Variants in COG6 observed in about 807,000 individuals in gnomAD.
COG6 encodes the protein component of oligomeric golgi complex 6.
In COG6, 74 loss-of-function variants were observed where a neutral mutation model predicts 88.8. The observed-to-expected ratio is 0.83, with a 90% CI of 0.69 to 1.01. The LOEUF (loss-of-function observed/expected upper bound fraction) is 1.01. COG6 is among the 50% of genes least tolerant of loss of function. The pLI, the probability that COG6 is intolerant of heterozygous loss-of-function variation, is 0.00. For synonymous variants in COG6, 286 were observed against 278.7 expected (o/e 1.03, Z -0.26); for missense variants, 800 against 797.9 (o/e 1.00, Z -0.03).
chr13:39,768,338 A>G (rs577962154), intron 18 of COG6, among the ~76,000 whole-genome samples: 14 of 152,168 alleles, frequency 9.2e-5, no homozygotes, highest in Non-Finnish European at 1.6e-4. Flanking sequence ...CCTGGCCCCT[A>G]CTGCCACTCC....
In COG6 at chr13:39,687,793, A is replaced by G. The variant is rs1314849684; in HGVS notation, c.1003A>G (p.Thr335Ala). The change falls in exon 10 of 19, where the codon ACA becomes GCA. Residue 335 changes from threonine (T) to alanine (A), a missense_variant. By Grantham distance (58) the Thr-to-Ala change is moderately conservative. Coordinates refer to ENST00000455146, the MANE Select transcript of COG6 (RefSeq NM_020751.3). The part of the protein sequence containing the change: ...HLEALLKHVT[T>A]QGVEENIQEV... ...TGAAGCTCTCTTAAAGCATGTAACTACACAAGGTGGGTCCACCAATTGTAT... is the reference window on the plus strand; with the variant it reads ...TGAAGCTCTCTTAAAGCATGTAACTGCACAAGGTGGGTCCACCAATTGTAT... 1 of 1,611,366 alleles carries G rather than the reference A, an allele frequency of 6.2e-7. No homozygotes were observed. The highest frequency in any genetic ancestry group is 8.5e-7 in the Non-Finnish European group (1 of 1,177,626).
chr13:39,731,469 T>C lies in COG6; in HGVS notation c.1826+3921T>C, dbSNP rs182661620. ...AATGCAAAATCTCCAATATTCACCTTATAGCAATACAAAAATAGAGTTTGG... is the reference window on the plus strand; with the variant it reads ...AATGCAAAATCTCCAATATTCACCTCATAGCAATACAAAAATAGAGTTTGG... On this transcript the variant is annotated intron_variant, in intron 18 of 18. Transcript: ENST00000455146. 3.8e-4 allele frequency among the ~76,000 whole-genome samples: 58 copies of C among 152,336 alleles called. 1 individual carries two copies. The East Asian group carries it at 8.9e-3, about 23-fold the overall frequency.
At chr13:39,690,480 G>A (rs1380929425) in intron 11 of COG6, among the ~76,000 whole-genome samples, 1 of 151,944 alleles carries the variant, frequency 6.6e-6, no homozygotes, top group Non-Finnish European at 1.5e-5. Flanking sequence ...GTATTTAGCA[G>A]ATGGTAAATA....
At chr13:39,758,694 G>T (rs1303269539) in intron 18 of COG6, among the ~76,000 whole-genome samples, 2 of 152,124 alleles carry the variant, frequency 1.3e-5, no homozygotes, top group Non-Finnish European at 1.5e-5. Context: ...CCTCAAAAGA[G>T]TTATGATATG....
chr13:39,717,100 A>C lies in COG6; in HGVS notation c.1285-2136A>C, dbSNP rs1020513501. Reference sequence around the variant, plus strand: ...TGAAGAATAGTTTTGCTGAATTTGAAATACTTGGTTGACAGTTTATTTCAG... The same window carrying C: ...TGAAGAATAGTTTTGCTGAATTTGACATACTTGGTTGACAGTTTATTTCAG... On this transcript the variant is annotated intron_variant, in intron 13 of 18. Coordinates refer to ENST00000455146, the MANE Select transcript of COG6 (RefSeq NM_020751.3). 5.3e-5 allele frequency among the ~76,000 whole-genome samples: 8 copies of C among 152,268 alleles called. No individual in the cohort carries two copies. In the East Asian group the frequency reaches 1.5e-3, roughly 29 times the overall value.
At chr13:39,776,776 G>T (rs557091888) in intron 18 of COG6, among the ~76,000 whole-genome samples, 75 of 151,934 alleles carry the variant, frequency 4.9e-4, no homozygotes, top group African/African-American at 1.8e-3. Context: ...AGCTGCTTTT[G>T]TAGTGGGGAC....
chr13:39,687,685 C>A (rs1426317938), intron 9 of COG6, 23 bp from the exon 10 acceptor site: 1 of 1,613,704 alleles, frequency 6.2e-7, no homozygotes, highest in East Asian at 2.2e-5. Context: ...AGGAAATCTT[C>A]ATTAACATTT....
At chr13:39,695,709 A>AT (rs776946882) in intron 12 of COG6, among the ~76,000 whole-genome samples, 29 of 151,838 alleles carry the variant, frequency 1.9e-4, no homozygotes, top group Non-Finnish European at 3.2e-4. Context: ...TTACTAGTAG[A>AT]TTTTCAAACA....
intron 4 of COG6, among the ~76,000 whole-genome samples, chr13:39,675,587 T>A (rs953394011): frequency 6.6e-6 from 1 of 152,172 alleles, no homozygotes; most frequent in Admixed American, 6.5e-5. Context: ...AGCCTGTGTT[T>A]CTGTCTTTAT....
chr13:39,734,289 G>C (rs1015241695), intron 18 of COG6, among the ~76,000 whole-genome samples: 1 of 151,644 alleles, frequency 6.6e-6, no homozygotes, highest in Admixed American at 6.6e-5. Context: ...ATTGGTTTTG[G>C]TATGTTGTTT....
rs780615673 is a variant in COG6, at chr13:39,682,275, T to A, written c.788+11T>A. The A allele has an allele frequency of 1.7e-5, 27 of 1,547,466 alleles. No homozygotes were observed. The South Asian group carries it at 2.9e-4, about 17-fold the overall frequency. On this transcript the variant is annotated intron_variant, in intron 8 of 18. Coordinates refer to ENST00000455146, the MANE Select transcript of COG6 (RefSeq NM_020751.3). ...ACCTGTCTTATATAAGTTGGTGACT[T>A]TTTCTTAATTAAAAATGAAAGCCTA...
At chr13:39,724,100 T>G (rs1367461590) in intron 16 of COG6, among the ~76,000 whole-genome samples, 7 of 152,044 alleles carry the variant, frequency 4.6e-5, no homozygotes, top group African/African-American at 1.7e-4. Context: ...AAACACAACT[T>G]TTCAATTCTT....
At chr13:39,736,639 C>T (rs950119453) in intron 18 of COG6, among the ~76,000 whole-genome samples, 1 of 152,112 alleles carries the variant, frequency 6.6e-6, no homozygotes, top group Non-Finnish European at 1.5e-5. Flanking sequence ...TACGGTGAGC[C>T]GAGATCGTGC....
chr13:39,782,758 C>G (rs752005293), intron 18 of COG6, among the ~76,000 whole-genome samples: 9 of 152,180 alleles, frequency 5.9e-5, no homozygotes, highest in Non-Finnish European at 1.2e-4. Flanking sequence ...TTAGGGGCAG[C>G]ACCTAGACCA....
chr13:39,723,812 A>G (rs914763911), intron 16 of COG6, among the ~76,000 whole-genome samples: 13 of 152,110 alleles, frequency 8.5e-5, no homozygotes, highest in African/African-American at 2.7e-4. Context: ...TCAGATTCCT[A>G]TATCACTATT....
intron 3 of COG6, 93 bp downstream of exon 3, chr13:39,660,974 C>A: frequency 1.3e-6 from 1 of 768,652 alleles, no homozygotes. Flanking sequence ...ATCCATAATG[C>A]CCTGTAGGAA....
chr13:39,665,518 T>C lies in COG6; in HGVS notation c.428+364T>C, dbSNP rs576441967. 2.8e-4 allele frequency among the ~76,000 whole-genome samples: 43 copies of C among 152,354 alleles called. 1 individual carries two copies. The South Asian group carries it at 8.7e-3, about 31-fold the overall frequency. ...TATTTTTAAGCTATGATATATCCTCTCTGGTATAATTAAGAGTTAATTGTA... is the reference window on the plus strand; with the variant it reads ...TATTTTTAAGCTATGATATATCCTCCCTGGTATAATTAAGAGTTAATTGTA... On this transcript the variant is annotated intron_variant, in intron 4 of 18. Coordinates refer to ENST00000455146, the MANE Select transcript of COG6 (RefSeq NM_020751.3).
At chr13:39,733,198 T>C (rs1287447405) in intron 18 of COG6, among the ~76,000 whole-genome samples, 2 of 151,350 alleles carry the variant, frequency 1.3e-5, no homozygotes, top group Admixed American at 6.6e-5. Context: ...TCTTTTTTTT[T>C]TTTTTTTTTG....
At chr13:39,670,225 G>A (rs1362492657) in intron 4 of COG6, among the ~76,000 whole-genome samples, 2 of 152,028 alleles carry the variant, frequency 1.3e-5, no homozygotes, top group Non-Finnish European at 2.9e-5. Flanking sequence ...GTCAGACGAT[G>A]GGCTTCACTG....
Sources: gnomAD v4.1 joint callset for allele counts (sites outside exome capture counted in the v4.1 genomes callset) on GRCh38, gnomAD v4.1.1 for gene constraint, MANE v1.5 for transcripts, NCBI Gene and HGNC (gene_info 2026-07-23, HGNC 2026-07-21) for gene names.